LTV1: variants seen among roughly 807,000 people sequenced by gnomAD.
LTV1 encodes LTV1 ribosome biogenesis factor, also known as protein LTV1 homolog.
LTV1 carries 39 observed loss-of-function variants against 59.9 expected under a neutral mutation model. The ratio of observed to expected loss-of-function variants is 0.65; its 90% confidence interval spans 0.50 to 0.85. The LOEUF (loss-of-function observed/expected upper bound fraction) is 0.85, where lower values mean the gene tolerates loss of function less well. Ranked by LOEUF, LTV1 falls within the 40% of genes least tolerant of loss-of-function variation. The probability of loss-of-function intolerance (pLI) is 0.00; values close to 1 mark genes in which losing one functional copy is unlikely to be tolerated. For missense variants in LTV1, 493 were observed against 549.1 expected, an observed-to-expected ratio of 0.90 and a Z score of 1.02; for synonymous variants, 171 against 189.5, an observed-to-expected ratio of 0.90 and a Z score of 0.80.
Position 143,854,661 on chromosome 6 carries a change from G to A in LTV1, c.398-2642G>A, listed in dbSNP as rs1292474765. Among the ~76,000 whole-genome samples, 3 of 152,188 alleles carry A rather than the reference G, an allele frequency of 2.0e-5. No individual in the cohort carries two copies. The East Asian group carries it at 5.8e-4, about 29-fold the overall frequency. On this transcript the variant is annotated intron_variant, in intron 4 of 10. Coordinates refer to ENST00000367576, the MANE Select transcript of LTV1 (RefSeq NM_032860.5). Reference sequence around the variant, plus strand: ...GTATGTTGTGTCTTTTTTCTCATTGGTTTCGAAGAACTTATTTATTTCTAC... The same window carrying A: ...GTATGTTGTGTCTTTTTTCTCATTGATTTCGAAGAACTTATTTATTTCTAC...
At chr6:143,847,749 A>G (rs1038052994) in intron 3 of LTV1, among the ~76,000 whole-genome samples, 1 of 152,236 alleles carries the variant, frequency 6.6e-6, no homozygotes, top group African/African-American at 2.4e-5. Context: ...TTAAATGGAC[A>G]CTTCAGTGAC....
In LTV1 at chr6:143,862,248, G is replaced by C. The variant is rs139475299; in HGVS notation, c.1063+5G>C. On this transcript the variant is annotated splice_donor_5th_base_variant and intron_variant, in intron 8 of 10. Transcript: ENST00000367576. This position sits in a 1 kb window ranked among gnomAD's most constrained non-coding sequence, Gnocchi z 4.2. ...GGGATTGTGAATCTATTTGTAGTAA[G>C]TATATTCACTTTATGATAGTAATTT... is the stretch of plus-strand genomic sequence containing the variant. 9 of 1,610,226 alleles carry C rather than the reference G, an allele frequency of 5.6e-6. No individual in the cohort carries two copies. The highest frequency in any genetic ancestry group is 7.6e-6 in the Non-Finnish European group (9 of 1,176,900).
chr6:143,861,301 G>A (rs971980836), intron 7 of LTV1, among the ~76,000 whole-genome samples: 3 of 151,956 alleles, frequency 2.0e-5, no homozygotes, highest in Admixed American at 2.0e-4. Flanking sequence ...GGCTGGGCGT[G>A]GTGGTGTACA....
At chr6:143,851,487 T>C (rs1776982802) in intron 4 of LTV1, among the ~76,000 whole-genome samples, 2 of 152,216 alleles carry the variant, frequency 1.3e-5, no homozygotes, top group Admixed American at 6.5e-5. Context: ...CTTTGAATTA[T>C]GCTAGACAAA....
intron 2 of LTV1, 49 bp downstream of exon 2, chr6:143,844,666 T>C: frequency 1.3e-6 from 2 of 1,540,464 alleles, no homozygotes; most frequent in Non-Finnish European, 1.7e-6. Context: ...CAATAGTTTT[T>C]TTTTTCTTTT....
chr6:143,844,810 A>G (rs1162426026), intron 2 of LTV1, among the ~76,000 whole-genome samples, 193 bp downstream of exon 2: 1 of 152,060 alleles, frequency 6.6e-6, no homozygotes, highest in East Asian at 1.9e-4. Context: ...TTGCTATGTT[A>G]ATAGTTTTTA....
chr6:143,862,762 C>T lies in LTV1; in HGVS notation c.1064-82C>T, dbSNP rs1777187803. The T allele has an allele frequency of 2.8e-5, 25 of 885,704 alleles. No homozygotes were observed. The highest frequency in any genetic ancestry group is 4.8e-5 in the Non-Finnish European group (25 of 526,142). 54.9% of individuals were successfully genotyped at this position (885,704 alleles called of 1,614,324 possible). A position where few individuals can be genotyped will look rare whatever the true frequency, so the allele number is the denominator to read the frequency against. The stretch of plus-strand genomic sequence containing the variant: ...ATTTTGCACTATGAAAACACAAGGT[C>T]AGAAATATAGTAGGAATTCAGTAAT... On this transcript the variant is annotated intron_variant, in intron 8 of 10. Coordinates refer to ENST00000367576, the MANE Select transcript of LTV1 (RefSeq NM_032860.5). This position sits in a 1 kb window ranked among gnomAD's most constrained non-coding sequence, Gnocchi z 4.2.
Position 143,859,745 on chromosome 6 carries a change from A to G in LTV1, c.796-681A>G, listed in dbSNP as rs1339933524. Among the ~76,000 whole-genome samples the G allele has an allele frequency of 3.9e-5, 6 of 152,244 alleles. No homozygotes were observed. The East Asian group carries it at 5.8e-4, about 15-fold the overall frequency. On this transcript the variant is annotated intron_variant, in intron 6 of 10. Transcript: ENST00000367576. ...GTAATTATTGTCTAAACAAGAACAA[A>G]TATATACATTAGTAGGTGAATTTTC...
At position 143,857,398 on chromosome 6, in the gene LTV1, C is replaced by T; in HGVS notation, c.493C>T (p.Leu165Phe). Reference protein sequence around the residue: ...PDNLLEDDFILQANKATGEEE... With the variant: ...PDNLLEDDFIFQANKATGEEE... ...TAATCTGCTTGAGGATGACTTTATT[C>T]TTCAGGCCAATAAGGCAACAGGAGA... The change falls in exon 5 of 11, where the codon CTT becomes TTT. Residue 165 changes from leucine (L) to phenylalanine (F), a missense_variant. Coordinates refer to ENST00000367576, the MANE Select transcript of LTV1 (RefSeq NM_032860.5). This position sits in a 1 kb window ranked among gnomAD's most constrained non-coding sequence, Gnocchi z 5.2. 1 of 1,614,002 alleles carries T rather than the reference C, an allele frequency of 6.2e-7. No individual in the cohort carries two copies. The highest frequency in any genetic ancestry group is 1.1e-5 in the South Asian group (1 of 91,080).
chr6:143,862,853 C>G lies in LTV1; in HGVS notation c.1073C>G (p.Ser358Ter). The G allele has an allele frequency of 6.3e-7, 1 of 1,583,020 alleles. No individual in the cohort carries two copies. Among genetic ancestry groups the G allele is most frequent in the South Asian group, 1.1e-5 (1 of 90,354 alleles). ...TTATTTGTTTGTTTAGGTACATACT[C>G]AAATTTATATAACCATCCACAGCTT... The part of the protein sequence containing the change: ...WDCESICSTY[S>*]NLYNHPQLIK... The change falls in exon 9 of 11, where the codon TCA becomes TGA. Residue 358 changes from serine to a stop codon, truncating the protein, a stop_gained. Coordinates refer to ENST00000367576, the MANE Select transcript of LTV1 (RefSeq NM_032860.5). LOFTEE classifies it high-confidence loss of function. The surrounding 1 kb of genome is among the most constrained non-coding windows in gnomAD (Gnocchi z 4.2).
Position 143,857,667 on chromosome 6 carries a change from A to G in LTV1, c.540-85A>G. On this transcript the variant is annotated intron_variant, in intron 5 of 10. Transcript: ENST00000367576. The surrounding 1 kb of genome is among the most constrained non-coding windows in gnomAD (Gnocchi z 5.2). ...CCTAGACAAGAACCCTTCCTGAAAT[A>G]CCTTCCAATTTTACTTGTGTAAAGT... is the stretch of plus-strand genomic sequence containing the variant. 6.8e-7 allele frequency: 1 copy of G among 1,464,882 alleles called. No homozygotes were observed. The highest frequency in any genetic ancestry group is 9.5e-7 in the Non-Finnish European group (1 of 1,057,876). The allele number at this position is 1,464,882 out of a possible 1,614,324, so 90.7% of individuals were successfully genotyped here. A position where few individuals can be genotyped will look rare whatever the true frequency, so the allele number is the denominator to read the frequency against.
rs562027800 is a variant in LTV1, at chr6:143,862,543, G to GCCC, written c.1064-299_1064-298insCCC. Among the ~76,000 whole-genome samples the GCCC allele has an allele frequency of 4.8e-4, 73 of 152,212 alleles. No homozygotes were observed. In the Middle Eastern group the frequency reaches 0.01, roughly 21 times the overall value. Reference sequence around the variant, plus strand: ...AGAGGTTGCAATGAGCCGAGATCATGCCATTGCACTCCAACCTGGGCAACA... The same window carrying GCCC: ...AGAGGTTGCAATGAGCCGAGATCATGCCCCCATTGCACTCCAACCTGGGCAACA... On this transcript the variant is annotated intron_variant, in intron 8 of 10. Coordinates refer to ENST00000367576, the MANE Select transcript of LTV1 (RefSeq NM_032860.5). The surrounding 1 kb of genome is among the most constrained non-coding windows in gnomAD (Gnocchi z 4.2).
In LTV1 at chr6:143,843,466, C is replaced by T. The variant is rs892935402; in HGVS notation, c.-12C>T. On this transcript the variant is annotated 5_prime_UTR_variant, in exon 1 of 11. Transcript: ENST00000367576. ...CCGCCCCTGTTGGGGGTGAGCGCCGCGCGGCTGCAGCATGGTGAGCAAGCC... is the reference window on the plus strand; with the variant it reads ...CCGCCCCTGTTGGGGGTGAGCGCCGTGCGGCTGCAGCATGGTGAGCAAGCC... 4 of 1,613,230 alleles carry T rather than the reference C, an allele frequency of 2.5e-6. No homozygotes were observed. The highest frequency in any genetic ancestry group is 3.4e-6 in the Non-Finnish European group (4 of 1,179,964).
At position 143,857,926 on chromosome 6, in the gene LTV1, T is replaced by A. The variant is rs1202701022; in HGVS notation, c.714T>A (p.Ser238Arg). 6.2e-7 allele frequency: 1 copy of A among 1,613,638 alleles called. No individual in the cohort carries two copies. Among genetic ancestry groups the A allele is most frequent in the Non-Finnish European group, 8.5e-7 (1 of 1,179,960 alleles). The change falls in exon 6 of 11, where the codon AGT (serine) becomes AGA (arginine). Residue 238 changes from serine to arginine, a missense_variant. Coordinates refer to ENST00000367576, the MANE Select transcript of LTV1 (RefSeq NM_032860.5). The surrounding 1 kb of genome is among the most constrained non-coding windows in gnomAD (Gnocchi z 5.2). ...DHLFWSEETK[S>R]RFTEYSMTSS... ...TGTTCTGGAGTGAGGAAACAAAGAG[T>A]CGCTTCACGGAGTATTCGATGACTT...
chr6:143,859,582 T>TTC (rs1398985293), intron 6 of LTV1, among the ~76,000 whole-genome samples: 2 of 152,194 alleles, frequency 1.3e-5, no homozygotes, highest in Non-Finnish European at 1.5e-5. Context: ...CCTTGCTACC[T>TTC]TCTCACCTAA....
In LTV1 at chr6:143,862,015, C is replaced by T. The variant is rs1777172343; in HGVS notation, c.924-89C>T. On this transcript the variant is annotated intron_variant, in intron 7 of 10. Coordinates refer to ENST00000367576, the MANE Select transcript of LTV1 (RefSeq NM_032860.5). This position sits in a 1 kb window ranked among gnomAD's most constrained non-coding sequence, Gnocchi z 4.2. ...TGCATTTAAAACATTGGTTTTTCCA[C>T]AGCTAAAAATTGCAGTTTTAGTGAC... 1.7e-5 allele frequency: 22 copies of T among 1,286,762 alleles called. No individual in the cohort carries two copies. In the East Asian group the frequency reaches 5.2e-4, roughly 31 times the overall value. The allele number at this position is 1,286,762 out of a possible 1,614,324, so 79.7% of individuals were successfully genotyped here.
At chr6:143,848,029 A>C (rs1357054789) in intron 3 of LTV1, among the ~76,000 whole-genome samples, 1 of 152,208 alleles carries the variant, frequency 6.6e-6, no homozygotes, top group East Asian at 1.9e-4. Context: ...TAGCTGGGCA[A>C]ATGTCATGTA....
chr6:143,849,986 C>T, intron 3 of LTV1, 145 bp from the exon 4 acceptor site: 1 of 593,438 alleles, frequency 1.7e-6, no homozygotes. Flanking sequence ...AAGACCTCAT[C>T]TTATTATAGT....
At chr6:143,850,864 C>T (rs921499182) in intron 4 of LTV1, among the ~76,000 whole-genome samples, 5 of 152,262 alleles carry the variant, frequency 3.3e-5, no homozygotes, top group Non-Finnish European at 5.9e-5. Flanking sequence ...GAATTTACCT[C>T]ATTTGGGAAA....
Sources: gnomAD v4.1 joint callset for allele counts (sites outside exome capture counted in the v4.1 genomes callset) on GRCh38, gnomAD v4.1.1 for gene constraint, Gnocchi (gnomAD v3.1) non-coding constraint, MANE v1.5 for transcripts, NCBI Gene and HGNC (gene_info 2026-07-23, HGNC 2026-07-21) for gene names.